The following CEP131 variants were observed in gnomAD, a reference collection of about 807,000 sequenced individuals.
CEP131 encodes the protein centrosomal protein of 131 kDa.
A neutral mutation model predicts 136.8 loss-of-function variants in CEP131; 99 were observed. The observed-to-expected ratio is 0.72, with a 90% CI of 0.62 to 0.86. The LOEUF (loss-of-function observed/expected upper bound fraction) is 0.86. Among genes scored for constraint, CEP131 ranks in the 40% least tolerant of loss-of-function variants. The probability of loss-of-function intolerance (pLI) is 0.00; values close to 1 mark genes in which losing one functional copy is unlikely to be tolerated. For missense variants in CEP131, 1,459 were observed against 1,463.0 expected (o/e 1.00, Z 0.04); for synonymous variants, 646 against 612.7 (o/e 1.05, Z -0.80).
chr17:81,214,537 C>T (rs1432892185), intron 2 of CEP131, among the ~76,000 whole-genome samples: 1 of 150,820 alleles, frequency 6.6e-6, no homozygotes, highest in Non-Finnish European at 1.5e-5. Flanking sequence ...GCCTAGGTGA[C>T]AGGAGTGAAA....
At position 81,200,439 on chromosome 17, in the gene CEP131, G is replaced by A. The variant is rs1184197296; in HGVS notation, c.796C>T (p.His266Tyr). Residue 266 changes from histidine (H) to tyrosine (Y), a missense_variant, in exon 8 of 26, where the codon CAC becomes TAC. This residue lies in a region of CEP131 where 246 missense variants were observed against 318.9 expected (regional missense o/e 0.77). Coordinates refer to ENST00000450824, the MANE Select transcript of CEP131 (RefSeq NM_014984.4). ...VTEEEAERFI[H>Y]QVNQATVTIQ... The stretch of plus-strand genomic sequence containing the variant: ...GTGACAGTGGCCTGGTTCACCTGGT[G>A]GATAAACCTGCCCGGAGAGCAGGAC... 1.9e-6 allele frequency: 3 copies of A among 1,549,188 alleles called. No individual in the cohort carries two copies. The highest frequency in any genetic ancestry group is 1.4e-5 in the African/African-American group (1 of 73,034).
At position 81,208,944 on chromosome 17, in the gene CEP131, G is replaced by C. The variant is rs147453180; in HGVS notation, c.256C>G (p.Arg86Gly). The C allele has an allele frequency of 3.1e-6, 5 of 1,613,822 alleles. No individual in the cohort carries two copies. The highest frequency in any genetic ancestry group is 4.2e-6 in the Non-Finnish European group (5 of 1,179,934). Residue 86 changes from arginine (R) to glycine (G), a missense_variant, in exon 3 of 26, where the codon CGG becomes GGG. Physicochemically the swap from Arg to Gly is moderately radical, Grantham distance 125. Around this residue, in one of 3 missense-constraint regions of CEP131, gnomAD observed 187 missense variants for 179.9 expected, o/e 1.04. Coordinates refer to ENST00000450824, the MANE Select transcript of CEP131 (RefSeq NM_014984.4). This position sits in a 1 kb window ranked among gnomAD's most constrained non-coding sequence, Gnocchi z 5.6. ...AGGGGTTACCTGGGGGAGCCGCTCC[G>C]AGGCTGGCTGACCTGCGTGGTGCTG... is the stretch of plus-strand genomic sequence containing the variant. ...SNSTTQVSQPRSGSPRPTEPT... is the reference protein window; with the variant it reads ...SNSTTQVSQPGSGSPRPTEPT...
At chr17:81,221,035 G>A (rs1380612218) in intron 1 of CEP131, among the ~76,000 whole-genome samples, 1 of 144,140 alleles carries the variant, frequency 6.9e-6, no homozygotes, top group African/African-American at 2.5e-5. Flanking sequence ...TGAAGCAGGG[G>A]AATTACTTGA....
chr17:81,222,688 G>A (rs1387787566), intron 1 of CEP131, 81 bp downstream of exon 1: 1 of 150,468 alleles, frequency 6.6e-6, no homozygotes, highest in African/African-American at 2.5e-5. Flanking sequence ...ACTGGACCAG[G>A]GCCTCCCACC....
chr17:81,218,707 C>A (rs1290915211), intron 2 of CEP131, among the ~76,000 whole-genome samples: 1 of 152,212 alleles, frequency 6.6e-6, no homozygotes, highest in Non-Finnish European at 1.5e-5. Context: ...CTGCCCTTAC[C>A]CCGGAACTCG....
At position 81,203,583 on chromosome 17, in the gene CEP131, G is replaced by A. The variant is rs1294496932; in HGVS notation, c.540C>T (p.Asn180=). Residue 180 remains asparagine (N), a synonymous_variant, in exon 6 of 26, where the codon AAC becomes AAT. Transcript: ENST00000450824. This position sits in a 1 kb window ranked among gnomAD's most constrained non-coding sequence, Gnocchi z 4.6. ...GGTTGTGCACCATGGTGGTGACGCAGTTGCCCACTGCTCCCTTGTTGCTCC... is the reference window on the plus strand; with the variant it reads ...GGTTGTGCACCATGGTGGTGACGCAATTGCCCACTGCTCCCTTGTTGCTCC... The part of the protein sequence containing the change: ...NNRSNKGAVG[N]CVTTMVHNRY... The A allele has an allele frequency of 2.5e-6, 4 of 1,602,390 alleles. No homozygotes were observed. The highest frequency in any genetic ancestry group is 2.2e-5 in the East Asian group (1 of 44,490).
intron 13 of CEP131, chr17:81,197,347 G>A (rs982599531): frequency 3.1e-5 from 17 of 540,600 alleles, no homozygotes; most frequent in Non-Finnish European, 5.2e-5. Flanking sequence ...GCTCCATTTA[G>A]CCTGGCCGCT....
chr17:81,216,935 ACACCACGGTGGAAAGG>A lies in CEP131; in HGVS notation c.177+2929_177+2944del, dbSNP rs536928212. On this transcript the variant is annotated intron_variant, in intron 2 of 25. Coordinates refer to ENST00000450824, the MANE Select transcript of CEP131 (RefSeq NM_014984.4). ...TGAAGGGGCTGCCACTCACTGACGG[ACACCACGGTGGAAAGG>A]CACCACTCATGCTCAGATGGTAAAT... Among the ~76,000 whole-genome samples, 156 of 152,320 alleles carry A rather than the reference ACACCACGGTGGAAAGG, an allele frequency of 1.0e-3. 2 individuals are homozygous for A. The South Asian group carries it at 0.031, about 30-fold the overall frequency.
chr17:81,220,320 G>A lies in CEP131; in HGVS notation c.-17-247C>T, dbSNP rs76093809. The stretch of plus-strand genomic sequence containing the variant: ...CCTGGATGATGGACAGGTGGGTGGC[G>A]AGGGCAAGGCCCGTGGGTGGGAATA... On this transcript the variant is annotated intron_variant, in intron 1 of 25. Transcript: ENST00000450824. Among the ~76,000 whole-genome samples, 783 of 152,258 alleles carry A rather than the reference G, an allele frequency of 5.1e-3. 9 individuals carry two copies. The highest frequency in any genetic ancestry group is 0.018 in the African/African-American group (733 of 41,536).
In CEP131 at chr17:81,190,895, C is replaced by T; in HGVS notation, c.2943+12G>A. 6.3e-7 allele frequency: 1 copy of T among 1,599,102 alleles called. No homozygotes were observed. Among genetic ancestry groups the T allele is most frequent in the Non-Finnish European group, 8.5e-7 (1 of 1,174,530 alleles). The stretch of plus-strand genomic sequence containing the variant: ...TGGGTGCCCACTGCCCACCTGACAC[C>T]CGCCCACTCACCGCCTGCGCATCCT... On this transcript the variant is annotated intron_variant, in intron 23 of 25. Coordinates refer to ENST00000450824, the MANE Select transcript of CEP131 (RefSeq NM_014984.4).
At position 81,207,197 on chromosome 17, in the gene CEP131, G is replaced by A; in HGVS notation, c.315C>T (p.Ser105=). The A allele has an allele frequency of 6.2e-7, 1 of 1,613,450 alleles. No individual in the cohort carries two copies. The highest frequency in any genetic ancestry group is 8.5e-7 in the Non-Finnish European group (1 of 1,179,910). Residue 105 remains serine, a synonymous_variant, in exon 4 of 26, where the codon AGC becomes AGT. Coordinates refer to ENST00000450824, the MANE Select transcript of CEP131 (RefSeq NM_014984.4). ...PTDFLMLFEG[S]PSGKKRPASL... Reference sequence around the variant, plus strand: ...TGGCAGGCCTCTTTTTCCCACTGGGGCTGCCCTCGAAGAGCATCAGGAAGT... The same window carrying A: ...TGGCAGGCCTCTTTTTCCCACTGGGACTGCCCTCGAAGAGCATCAGGAAGT...
intron 16 of CEP131, 87 bp downstream of exon 16, chr17:81,195,748 G>A (rs1009750130): frequency 4.2e-6 from 5 of 1,198,168 alleles, no homozygotes; most frequent in Non-Finnish European, 6.0e-6. Flanking sequence ...AGGACTCCAA[G>A]TCCGGTCCTG....
chr17:81,193,814 G>A, intron 18 of CEP131, 112 bp downstream of exon 18: 1 of 1,210,380 alleles, frequency 8.3e-7, no homozygotes, highest in Non-Finnish European at 1.1e-6. Context: ...CTCCCTGCAT[G>A]CTGCACTAAG....
At position 81,210,231 on chromosome 17, in the gene CEP131, G is replaced by A. The variant is rs140176334; in HGVS notation, c.178-1209C>T. Among the ~76,000 whole-genome samples, 1,290 of 152,208 alleles carry A rather than the reference G, an allele frequency of 8.5e-3. 27 individuals carry two copies. Among genetic ancestry groups the A allele is most frequent in the African/African-American group, 0.03 (1,242 of 41,480 alleles). On this transcript the variant is annotated intron_variant, in intron 2 of 25. Coordinates refer to ENST00000450824, the MANE Select transcript of CEP131 (RefSeq NM_014984.4). The stretch of plus-strand genomic sequence containing the variant: ...CGGCCAGATGCAGTGGCTCACGCCT[G>A]TAATCCCAGCACTTTGGGAGGCCGG...
At chr17:81,192,625 G>A (rs781632109) in intron 19 of CEP131, 32 bp from the exon 20 acceptor site, 8 of 1,491,094 alleles carry the variant, frequency 5.4e-6, no homozygotes, top group Non-Finnish European at 7.2e-6. Flanking sequence ...CAGGTGAGGG[G>A]TCATCGAGTA....
At chr17:81,207,310 C>G in intron 3 of CEP131, 71 bp from the exon 4 acceptor site, 1 of 1,393,590 alleles carries the variant, frequency 7.2e-7, no homozygotes, top group Non-Finnish European at 1.0e-6. Context: ...GCACACAGAC[C>G]AGGCAGGTCC....
rs562779575 is a variant in CEP131, at chr17:81,194,135, C to A, written c.2120-8G>T. The A allele has an allele frequency of 1.3e-6, 2 of 1,512,494 alleles. No homozygotes were observed. The highest frequency in any genetic ancestry group is 1.4e-5 in the African/African-American group (1 of 70,764). 93.7% of individuals were successfully genotyped at this position (1,512,494 alleles called of 1,614,324 possible). ...GGATCTCGGGCTCCAGACCTGGGGG[C>A]GGGGCACCAGCTAGGGCCACGTCCA... is the stretch of plus-strand genomic sequence containing the variant. On this transcript the variant is annotated splice_region_variant and splice_polypyrimidine_tract_variant and intron_variant, in intron 17 of 25. Coordinates refer to ENST00000450824, the MANE Select transcript of CEP131 (RefSeq NM_014984.4).
intron 7 of CEP131, among the ~76,000 whole-genome samples, 175 bp from the exon 8 acceptor site, chr17:81,200,621 C>T (rs777396791): frequency 5.3e-5 from 8 of 152,208 alleles, no homozygotes; most frequent in South Asian, 2.1e-4. Context: ...CAGGACCAGC[C>T]GCCTGGACCA....
chr17:81,192,673 CG>C (rs929723589), intron 19 of CEP131, 62 bp downstream of exon 19: 66 of 204,478 alleles, frequency 3.2e-4, no homozygotes, highest in Admixed American at 1.9e-3. Context: ...GGTGAGGGGG[CG>C]GGGGGGAGGG....
Sources: allele counts gnomAD v4.1 joint callset (sites outside exome capture counted in the v4.1 genomes callset), GRCh38; gene constraint gnomAD v4.1.1; regional missense constraint gnomAD v4.1.1; non-coding constraint Gnocchi (gnomAD v3.1); transcripts MANE v1.5; gene names NCBI Gene and HGNC (gene_info 2026-07-23, HGNC 2026-07-21).